TMEM132B: variants seen among roughly 807,000 people sequenced by gnomAD.
TMEM132B encodes the protein transmembrane protein 132B.
TMEM132B carries 18 observed loss-of-function variants against 90.8 expected under a neutral mutation model. The observed-to-expected ratio is 0.20, with a 90% CI of 0.14 to 0.29. The LOEUF is 0.29. Among genes scored for constraint, TMEM132B ranks in the 10% least tolerant of loss-of-function variants. The probability of loss-of-function intolerance (pLI) is 1.00; values close to 1 mark genes in which losing one functional copy is unlikely to be tolerated. For missense variants in TMEM132B, 1,096 were observed against 1,326.8 expected (o/e 0.83, Z 2.70); for synonymous variants, 504 against 523.3 (o/e 0.96, Z 0.50).
intron 1 of TMEM132B, among the ~76,000 whole-genome samples, chr12:125,255,643 C>T (rs1428553001): frequency 6.6e-6 from 1 of 152,138 alleles, no homozygotes; most frequent in Non-Finnish European, 1.5e-5. Context: ...TGGAGAGTGC[C>T]GGGCAGGGAC....
intron 3 of TMEM132B, among the ~76,000 whole-genome samples, chr12:125,432,046 G>A (rs966641136): frequency 6.6e-5 from 9 of 135,746 alleles, no homozygotes; most frequent in Non-Finnish European, 1.6e-5. Flanking sequence ...CTGATCCTGG[G>A]ACATGGATCA....
At chr12:125,395,516 C>A (rs985709503) in intron 2 of TMEM132B, among the ~76,000 whole-genome samples, 1 of 152,186 alleles carries the variant, frequency 6.6e-6, no homozygotes, top group Non-Finnish European at 1.5e-5. Context: ...CTCACAAGGG[C>A]AGTTGAAATA....
intron 1 of TMEM132B, among the ~76,000 whole-genome samples, chr12:125,282,268 C>A (rs1022580370): frequency 2.0e-5 from 3 of 152,026 alleles, no homozygotes; most frequent in African/African-American, 2.4e-5. Flanking sequence ...TGCTGGATGC[C>A]GTGTGCTGCC....
intron 5 of TMEM132B, among the ~76,000 whole-genome samples, chr12:125,595,346 G>A (rs1885416008): frequency 6.6e-6 from 1 of 152,178 alleles, no homozygotes. Context: ...GCTGCTCATG[G>A]AAAGGGGGCT....
Position 125,458,292 on chromosome 12 carries a change from TGCAGCTCAGGA to T in TMEM132B, c.1106+42618_1106+42628del, listed in dbSNP as rs1165441229. 9.2e-5 allele frequency among the ~76,000 whole-genome samples: 14 copies of T among 151,980 alleles called. No homozygotes were observed. Among genetic ancestry groups the T allele is most frequent in the African/African-American group, 3.4e-4 (14 of 41,352 alleles). On this transcript the variant is annotated intron_variant, in intron 3 of 8. Transcript: ENST00000682704. This position sits in a 1 kb window ranked among gnomAD's most constrained non-coding sequence, Gnocchi z 4.9. ...CTAGTCATGTGCGTTTATTATAAAG[TGCAGCTCAGGA>T]GCTTGTGTCCATGACAGAGTAATTG...
At chr12:125,563,147 GTAATAA>G (rs143547141) in intron 4 of TMEM132B, among the ~76,000 whole-genome samples, 2,672 of 138,348 alleles carry the variant, frequency 0.019, 44 homozygotes, top group African/African-American at 0.034. Flanking sequence ...ACCATAATGC[GTAATAA>G]TAATAATAAT....
At chr12:125,447,144 AGTCT>A (rs1172049987) in intron 3 of TMEM132B, among the ~76,000 whole-genome samples, 2 of 152,168 alleles carry the variant, frequency 1.3e-5, no homozygotes, top group African/African-American at 4.8e-5. Context: ...TATTTTTGCC[AGTCT>A]GTCAGCCTTT....
intron 6 of TMEM132B, among the ~76,000 whole-genome samples, chr12:125,649,249 C>T (rs534618444): frequency 1.3e-5 from 2 of 152,304 alleles, no homozygotes; most frequent in African/African-American, 4.8e-5. Context: ...TTTCAGAAGT[C>T]AAATGGAGCT....
intron 1 of TMEM132B, among the ~76,000 whole-genome samples, chr12:125,233,183 A>G (rs75488312): frequency 0.036 from 5,547 of 152,334 alleles, 117 homozygotes; most frequent in Non-Finnish European, 0.041. Flanking sequence ...TGGTCCCTCA[A>G]CAGTCATGTA....
intron 2 of TMEM132B, among the ~76,000 whole-genome samples, chr12:125,381,714 A>ATGTGTGTGAATGTACC (rs2136286909): frequency 6.6e-6 from 1 of 152,266 alleles, no homozygotes; most frequent in Admixed American, 6.5e-5. Flanking sequence ...GTGAATGTAC[A>ATGTGTGTGAATGTACC]TATGTGTATG....
chr12:125,258,792 A>T (rs1350195626), intron 1 of TMEM132B, among the ~76,000 whole-genome samples: 1 of 152,174 alleles, frequency 6.6e-6, no homozygotes, highest in African/African-American at 2.4e-5. Context: ...ATAAAACAGG[A>T]TAACGGGATC....
chr12:125,635,619 T>C (rs1886462165), intron 5 of TMEM132B, among the ~76,000 whole-genome samples: 2 of 152,352 alleles, frequency 1.3e-5, no homozygotes, highest in South Asian at 4.1e-4. Flanking sequence ...CATGTGTCTT[T>C]ATAGCAGCAT....
At chr12:125,332,936 A>G (rs1257285400) in intron 1 of TMEM132B, among the ~76,000 whole-genome samples, 3 of 152,180 alleles carry the variant, frequency 2.0e-5, no homozygotes, top group Non-Finnish European at 4.4e-5. Context: ...AGGATGAATG[A>G]TGTTTTGTTT....
Position 125,523,678 on chromosome 12 carries a change from C to T in TMEM132B, c.1293+4053C>T, listed in dbSNP as rs77038546. Reference sequence around the variant, plus strand: ...GCTTCCTCAAACTGGGTGCTCAGGGCTCTCCATCTCTTCTCGCATGATCTG... The same window carrying T: ...GCTTCCTCAAACTGGGTGCTCAGGGTTCTCCATCTCTTCTCGCATGATCTG... On this transcript the variant is annotated intron_variant, in intron 4 of 8. Coordinates refer to ENST00000682704, the MANE Select transcript of TMEM132B (RefSeq NM_001366854.1). Among the ~76,000 whole-genome samples the T allele has an allele frequency of 7.0e-3, 1,059 of 152,298 alleles. 11 individuals carry two copies. The highest frequency in any genetic ancestry group is 0.024 in the African/African-American group (1,008 of 41,556).
At chr12:125,262,632 A>G (rs531124000) in intron 1 of TMEM132B, among the ~76,000 whole-genome samples, 4 of 152,324 alleles carry the variant, frequency 2.6e-5, no homozygotes, top group Non-Finnish European at 4.4e-5. Flanking sequence ...TCATTCTTGA[A>G]CTATAGTTTT....
chr12:125,637,553 G>T (rs970782419), intron 5 of TMEM132B, among the ~76,000 whole-genome samples: 1 of 152,182 alleles, frequency 6.6e-6, no homozygotes, highest in Non-Finnish European at 1.5e-5. Context: ...CATCCGGAAA[G>T]GTGGGACAAC....
intron 1 of TMEM132B, among the ~76,000 whole-genome samples, chr12:125,208,968 T>TGTCCCCTCTGAGTGCTGC (rs1278021073): frequency 2.7e-4 from 41 of 152,168 alleles, no homozygotes; most frequent in African/African-American, 9.9e-4. Flanking sequence ...TCTGTAGCTG[T>TGTCCCCTCTGAGTGCTGC]GTCCCCTCTG....
intron 2 of TMEM132B, among the ~76,000 whole-genome samples, chr12:125,381,207 G>T (rs1878670257): frequency 6.6e-6 from 1 of 152,118 alleles, no homozygotes; most frequent in Non-Finnish European, 1.5e-5. Context: ...ACCTGCTGGT[G>T]GTCCAAGGCC....
Position 125,311,682 on chromosome 12 carries a change from T to G in TMEM132B, c.68-37770T>G, listed in dbSNP as rs76400452. 8.4e-3 allele frequency among the ~76,000 whole-genome samples: 1,281 copies of G among 152,292 alleles called. 23 individuals are homozygous for G. Among genetic ancestry groups the G allele is most frequent in the African/African-American group, 0.029 (1,222 of 41,564 alleles). On this transcript the variant is annotated intron_variant, in intron 1 of 8. Coordinates refer to ENST00000682704, the MANE Select transcript of TMEM132B (RefSeq NM_001366854.1). Reference sequence around the variant, plus strand: ...AGGAGCCAGAATGAGCCTTTGAAAATGCAAATCATAGCCCACTATGCCTCT... The same window carrying G: ...AGGAGCCAGAATGAGCCTTTGAAAAGGCAAATCATAGCCCACTATGCCTCT...
Sources: gnomAD v4.1 joint callset for allele counts (sites outside exome capture counted in the v4.1 genomes callset) on GRCh38, gnomAD v4.1.1 for gene constraint, Gnocchi (gnomAD v3.1) non-coding constraint, MANE v1.5 for transcripts, NCBI Gene and HGNC (gene_info 2026-07-23, HGNC 2026-07-21) for gene names.